Variants in CNTN5 observed in about 807,000 individuals in gnomAD.
CNTN5 encodes the protein contactin-5.
Under a neutral mutation model 129.1 loss-of-function variants are expected in CNTN5, and 77 were observed. The ratio of observed to expected loss-of-function variants is 0.60; its 90% confidence interval spans 0.50 to 0.72. The LOEUF (loss-of-function observed/expected upper bound fraction) is 0.72. Among genes scored for constraint, CNTN5 ranks in the 30% least tolerant of loss-of-function variants. The pLI is 0.00. For missense variants in CNTN5, 1,478 were observed against 1,328.8 expected, an observed-to-expected ratio of 1.11 and a Z score of -1.75; for synonymous variants, 509 against 465.6, an observed-to-expected ratio of 1.09 and a Z score of -1.20.
intron 13 of CNTN5, among the ~76,000 whole-genome samples, chr11:100,113,921 T>C (rs991518615): frequency 6.6e-6 from 1 of 152,086 alleles, no homozygotes; most frequent in Non-Finnish European, 1.5e-5. Context: ...CATAAGTACA[T>C]TTCTAAAACT....
chr11:100,278,244 T>A lies in CNTN5; in HGVS notation c.2314+7003T>A, dbSNP rs568958175. Among the ~76,000 whole-genome samples the A allele has an allele frequency of 3.3e-5, 5 of 152,262 alleles. No individual in the cohort carries two copies. In the South Asian group the frequency reaches 1.0e-3, roughly 31 times the overall value. On this transcript the variant is annotated intron_variant, in intron 18 of 24. Coordinates refer to ENST00000524871, the MANE Select transcript of CNTN5 (RefSeq NM_014361.4). ...AAGTATAATTTAAAGTCTGGTAATG[T>A]GATTCCACCAGTTTTGTTCTTTTTG...
At chr11:99,739,304 G>A (rs2135148663) in intron 3 of CNTN5, among the ~76,000 whole-genome samples, 1 of 152,256 alleles carries the variant, frequency 6.6e-6, no homozygotes, top group Middle Eastern at 3.4e-3. Flanking sequence ...ATATGAGGAA[G>A]TGGTGAAAAT....
intron 13 of CNTN5, among the ~76,000 whole-genome samples, chr11:100,165,904 A>G (rs1044862900): frequency 2.6e-5 from 4 of 151,816 alleles, no homozygotes; most frequent in Non-Finnish European, 5.9e-5. Flanking sequence ...TGCCTGCATC[A>G]TAAGCTAGGA....
At chr11:99,748,761 C>A (rs1185166238) in intron 3 of CNTN5, among the ~76,000 whole-genome samples, 4 of 152,168 alleles carry the variant, frequency 2.6e-5, no homozygotes, top group African/African-American at 9.7e-5. Context: ...CCTTTCTCTA[C>A]TTTTTTGTTC....
At chr11:99,098,673 A>G (rs1866585692) in intron 1 of CNTN5, among the ~76,000 whole-genome samples, 2 of 152,182 alleles carry the variant, frequency 1.3e-5, no homozygotes, top group Admixed American at 1.3e-4. Context: ...CTTCTTAAAG[A>G]CAATAATGAG....
intron 1 of CNTN5, among the ~76,000 whole-genome samples, chr11:99,195,003 A>G (rs181986043): frequency 8.2e-4 from 125 of 152,306 alleles, no homozygotes; most frequent in Admixed American, 2.1e-3. Context: ...ACAGCCCCCA[A>G]TGATTCAAAG....
chr11:99,371,543 G>A (rs1427476270), intron 2 of CNTN5, among the ~76,000 whole-genome samples: 2 of 151,980 alleles, frequency 1.3e-5, no homozygotes, highest in African/African-American at 2.4e-5. Context: ...AGGACTAGAT[G>A]GGCTAATTTC....
chr11:99,875,680 C>T (rs1454293794), intron 6 of CNTN5, among the ~76,000 whole-genome samples: 1 of 152,080 alleles, frequency 6.6e-6, no homozygotes, highest in Non-Finnish European at 1.5e-5. Context: ...ACACTCGACA[C>T]ATTTGTGGTA....
chr11:99,883,294 T>C (rs1248193608), intron 6 of CNTN5, among the ~76,000 whole-genome samples: 2 of 152,202 alleles, frequency 1.3e-5, no homozygotes, highest in African/African-American at 4.8e-5. Flanking sequence ...ACCTCCAAAC[T>C]GTTCTCCGTA....
intron 1 of CNTN5, among the ~76,000 whole-genome samples, chr11:99,037,947 A>C (rs1378523928): frequency 6.6e-6 from 1 of 152,094 alleles, no homozygotes; most frequent in East Asian, 1.9e-4. Context: ...TAATTTTGAT[A>C]AACTGCTTTG....
intron 17 of CNTN5, among the ~76,000 whole-genome samples, chr11:100,267,707 T>G (rs1162259621): frequency 1.3e-5 from 2 of 152,084 alleles, no homozygotes; most frequent in African/African-American, 4.8e-5. Flanking sequence ...TTTTGAGAGA[T>G]ATTGGCAAGA....
intron 17 of CNTN5, among the ~76,000 whole-genome samples, chr11:100,262,976 G>A (rs1197596660): frequency 1.3e-5 from 2 of 151,958 alleles, no homozygotes; most frequent in African/African-American, 2.4e-5. Context: ...ACACTGCACA[G>A]CATTTTAATG....
intron 3 of CNTN5, among the ~76,000 whole-genome samples, chr11:99,709,425 T>C (rs1217855950): frequency 6.6e-6 from 1 of 151,834 alleles, no homozygotes; most frequent in African/African-American, 2.4e-5. Flanking sequence ...GTTTAAGTCA[T>C]GTGTCTGAAC....
At chr11:99,082,620 A>G (rs939401500) in intron 1 of CNTN5, among the ~76,000 whole-genome samples, 2 of 152,190 alleles carry the variant, frequency 1.3e-5, no homozygotes, top group African/African-American at 4.8e-5. Flanking sequence ...ATATTTCCCA[A>G]TTCTTTGGCC....
intron 3 of CNTN5, among the ~76,000 whole-genome samples, chr11:99,567,735 G>A (rs1035235744): frequency 1.3e-5 from 2 of 152,048 alleles, no homozygotes; most frequent in Non-Finnish European, 2.9e-5. Flanking sequence ...CTGTCCCTGG[G>A]GAAGTTATGA....
chr11:99,803,046 A>G (rs956536828), intron 3 of CNTN5, among the ~76,000 whole-genome samples: 1 of 151,982 alleles, frequency 6.6e-6, no homozygotes, highest in African/African-American at 2.4e-5. Flanking sequence ...ATCCAGGTGA[A>G]TGGATATTCC....
intron 23 of CNTN5, among the ~76,000 whole-genome samples, chr11:100,343,265 AT>A (rs1183283450): frequency 1.3e-5 from 2 of 152,088 alleles, no homozygotes; most frequent in Non-Finnish European, 2.9e-5. Flanking sequence ...TGCAAAAGAT[AT>A]TTTTTTCCTT....
chr11:99,354,470 A>G (rs1274300753), intron 2 of CNTN5, among the ~76,000 whole-genome samples: 2 of 152,166 alleles, frequency 1.3e-5, no homozygotes, highest in Non-Finnish European at 2.9e-5. Context: ...ATTTTAACAC[A>G]TTTTATAGAT....
At chr11:99,687,276 A>G (rs1953836498) in intron 3 of CNTN5, among the ~76,000 whole-genome samples, 1 of 152,160 alleles carries the variant, frequency 6.6e-6, no homozygotes, top group African/African-American at 2.4e-5. Flanking sequence ...GAGACGCTTA[A>G]TATTATATTA....
Sources: allele counts gnomAD v4.1 joint callset (sites outside exome capture counted in the v4.1 genomes callset), GRCh38; gene constraint gnomAD v4.1.1; transcripts MANE v1.5; gene names NCBI Gene and HGNC (gene_info 2026-07-23, HGNC 2026-07-21).